FAM227B: variants seen among roughly 807,000 people sequenced by gnomAD.
FAM227B encodes the protein protein FAM227B.
Under a neutral mutation model 73.8 loss-of-function variants are expected in FAM227B, and 88 were observed. The observed-to-expected ratio is 1.19, with a 90% CI of 1.00 to 1.42. The LOEUF (loss-of-function observed/expected upper bound fraction) is 1.42. FAM227B is among the 40% of genes most tolerant of loss of function. The pLI, the probability that FAM227B is intolerant of heterozygous loss-of-function variation, is 0.00. For synonymous variants in FAM227B, 210 were observed against 190.5 expected (o/e 1.10, Z -0.84); for missense variants, 632 against 590.9 (o/e 1.07, Z -0.72).
chr15:49,507,190 G>T (rs1250076199), intron 11 of FAM227B, among the ~76,000 whole-genome samples: 2 of 151,868 alleles, frequency 1.3e-5, no homozygotes, highest in Non-Finnish European at 2.9e-5. Context: ...CATATTGGAT[G>T]ATATATACTG....
chr15:49,463,832 TGTAA>T (rs2054019457), intron 11 of FAM227B, among the ~76,000 whole-genome samples: 1 of 152,198 alleles, frequency 6.6e-6, no homozygotes. Context: ...AGGGGAAAAT[TGTAA>T]GTATTTGCTA....
chr15:49,534,991 T>C (rs78620846), intron 10 of FAM227B, among the ~76,000 whole-genome samples: 72 of 149,844 alleles, frequency 4.8e-4, no homozygotes, highest in African/African-American at 1.8e-3. Context: ...TGAAAAAAAA[T>C]CCCAAATAAA....
At position 49,537,218 on chromosome 15, in the gene FAM227B, C is replaced by T. The variant is rs561023563; in HGVS notation, c.874+4462G>A. 2.0e-5 allele frequency among the ~76,000 whole-genome samples: 3 copies of T among 152,078 alleles called. No individual in the cohort carries two copies. The South Asian group carries it at 6.2e-4, about 32-fold the overall frequency. On this transcript the variant is annotated intron_variant, in intron 10 of 15. Transcript: ENST00000299338. ...TATAATTTATAAAGAATTCATACAACTCAAAGTAGAAAACAACCCAATTAA... is the reference window on the plus strand; with the variant it reads ...TATAATTTATAAAGAATTCATACAATTCAAAGTAGAAAACAACCCAATTAA...
At chr15:49,549,354 C>T (rs1157327474) in intron 9 of FAM227B, among the ~76,000 whole-genome samples, 1 of 80,754 alleles carries the variant, frequency 1.2e-5, no homozygotes, top group Non-Finnish European at 2.5e-5. Context: ...ATTGATTATT[C>T]TTGGGTGTTT....
chr15:49,422,011 A>T (rs1330232909), intron 11 of FAM227B, among the ~76,000 whole-genome samples: 1 of 152,164 alleles, frequency 6.6e-6, no homozygotes, highest in African/African-American at 2.4e-5. Context: ...CCCTAAAGGG[A>T]CAGATACAAA....
chr15:49,411,249 G>GA (rs1229181053), intron 11 of FAM227B, among the ~76,000 whole-genome samples: 2 of 151,418 alleles, frequency 1.3e-5, no homozygotes, highest in Non-Finnish European at 1.5e-5. Flanking sequence ...GTGAAAAACA[G>GA]AAAAAAAGAT....
At chr15:49,381,606 A>G (rs2046538374) in intron 11 of FAM227B, among the ~76,000 whole-genome samples, 1 of 152,188 alleles carries the variant, frequency 6.6e-6, no homozygotes, top group Non-Finnish European at 1.5e-5. Flanking sequence ...ATTTGCCAGT[A>G]GCTGAAATTT....
At chr15:49,533,487 T>G (rs1293779249) in intron 10 of FAM227B, among the ~76,000 whole-genome samples, 1 of 151,912 alleles carries the variant, frequency 6.6e-6, no homozygotes, top group Non-Finnish European at 1.5e-5. Flanking sequence ...CTCCTATTAT[T>G]ATTGCTTTGT....
At chr15:49,447,148 G>T (rs577003740) in intron 11 of FAM227B, among the ~76,000 whole-genome samples, 1 of 151,550 alleles carries the variant, frequency 6.6e-6, no homozygotes, top group African/African-American at 2.4e-5. Flanking sequence ...CTTTCAAAAA[G>T]TATTTCTTGT....
chr15:49,398,317 ACC>A (rs1266353704), intron 11 of FAM227B, among the ~76,000 whole-genome samples: 1 of 148,946 alleles, frequency 6.7e-6, no homozygotes, highest in Non-Finnish European at 1.5e-5. Context: ...ATATATATGC[ACC>A]CAATACAGGA....
intron 1 of FAM227B, 96 bp downstream of exon 1, chr15:49,620,604 G>T (rs138884981): frequency 5.5e-4 from 83 of 152,270 alleles, no homozygotes; most frequent in African/African-American, 1.9e-3. Context: ...ATATAGCCAC[G>T]AAAGACTAAT....
At chr15:49,589,655 G>A (rs1023883780) in intron 4 of FAM227B, 121 bp downstream of exon 4, 5 of 662,948 alleles carry the variant, frequency 7.5e-6, no homozygotes, top group Non-Finnish European at 1.3e-5. Flanking sequence ...GCTTATGCCT[G>A]TAATTCCAAC....
chr15:49,329,243 A>G (rs760392476), intron 15 of FAM227B: 7 of 985,476 alleles, frequency 7.1e-6, no homozygotes, highest in Non-Finnish European at 7.2e-6. Flanking sequence ...CTGTATGTAT[A>G]TCAAGAGTGG....
intron 13 of FAM227B, among the ~76,000 whole-genome samples, chr15:49,356,009 G>A (rs991077673): frequency 6.6e-5 from 10 of 151,604 alleles, no homozygotes; most frequent in Non-Finnish European, 1.2e-4. Flanking sequence ...AAGTGAAGGA[G>A]AAATAAAATA....
rs1555477439 is a variant in FAM227B at position 49,422,145 on chromosome 15, A to AGTGT, written c.1013-50750_1013-50747dup. Among the ~76,000 whole-genome samples, 75 of 139,920 alleles carry AGTGT rather than the reference A, an allele frequency of 5.4e-4. 1 individual carries two copies. Among genetic ancestry groups the AGTGT allele is most frequent in the African/African-American group, 1.7e-3 (67 of 39,482 alleles). 91.8% of individuals were successfully genotyped at this position (139,920 alleles called of 152,430 possible). A position where few individuals can be genotyped will look rare whatever the true frequency, so the allele number is the denominator to read the frequency against. On this transcript the variant is annotated intron_variant, in intron 11 of 15. Transcript: ENST00000299338. ...TAGAGAGAGAGAGAGAGAGAGAGAG[A>AGTGT]GTGTGTGTGTGTGTGTGTGCGCGCG...
rs2071093809 is a variant in FAM227B at position 49,541,742 on chromosome 15, C to G, written c.812G>C (p.Ser271Thr). 2.6e-6 allele frequency: 4 copies of G among 1,545,000 alleles called. No individual in the cohort carries two copies. Among genetic ancestry groups the G allele is most frequent in the Non-Finnish European group, 2.6e-6 (3 of 1,145,318 alleles). Residue 271 changes from serine to threonine, a missense_variant, in exon 10 of 16, where the codon AGT (serine) becomes ACT (threonine). Ser to Thr is a moderately conservative substitution (Grantham distance 58, BLOSUM62 1). Transcript: ENST00000299338. ...TTTAAATTCATCATTAAAGAGGTAACTCGATTCTGGAAATGCTTCATGGAA... is the reference window on the plus strand; with the variant it reads ...TTTAAATTCATCATTAAAGAGGTAAGTCGATTCTGGAAATGCTTCATGGAA... ...ATFHEAFPESSYLFNDEFKED... is the reference protein window; with the variant it reads ...ATFHEAFPESTYLFNDEFKED...
chr15:49,611,536 A>G (rs2077917467), intron 2 of FAM227B, among the ~76,000 whole-genome samples: 1 of 152,180 alleles, frequency 6.6e-6, no homozygotes, highest in Non-Finnish European at 1.5e-5. Flanking sequence ...ATCTTGCTTT[A>G]GGTCCTCATT....
At chr15:49,577,583 A>G (rs779037173) in intron 6 of FAM227B, 46 bp downstream of exon 6, 6 of 1,207,208 alleles carry the variant, frequency 5.0e-6, no homozygotes, top group Non-Finnish European at 7.2e-6. Context: ...TTAGTCCTAC[A>G]TAATACACTT....
At chr15:49,470,662 G>GA (rs1219360785) in intron 11 of FAM227B, among the ~76,000 whole-genome samples, 4 of 152,136 alleles carry the variant, frequency 2.6e-5, no homozygotes, top group Admixed American at 2.0e-4. Flanking sequence ...CCTGGAAGTT[G>GA]AAAAAATGGG....
Sources: allele counts gnomAD v4.1 joint callset (sites outside exome capture counted in the v4.1 genomes callset), GRCh38; gene constraint gnomAD v4.1.1; transcripts MANE v1.5; gene names NCBI Gene and HGNC (gene_info 2026-07-23, HGNC 2026-07-21).